KLHL12: variants seen among roughly 807,000 people sequenced by gnomAD.
KLHL12 encodes the protein kelch like family member 12, also known as kelch-like protein 12.
A neutral mutation model predicts 60.8 loss-of-function variants in KLHL12; 17 were observed. The ratio of observed to expected loss-of-function variants is 0.28; its 90% confidence interval spans 0.19 to 0.42. The LOEUF (loss-of-function observed/expected upper bound fraction) is 0.42. Among genes scored for constraint, KLHL12 ranks in the 10% least tolerant of loss-of-function variants. The pLI is 1.00. For synonymous variants in KLHL12, 220 were observed against 250.9 expected, an observed-to-expected ratio of 0.88 and a Z score of 1.16; for missense variants, 468 against 722.3, an observed-to-expected ratio of 0.65 and a Z score of 4.04.
Position 202,893,470 on chromosome 1 carries a change from G to A in KLHL12, c.1394-45C>T. 6.7e-7 allele frequency: 1 copy of A among 1,489,548 alleles called. No homozygotes were observed. Among genetic ancestry groups the A allele is most frequent in the East Asian group, 2.3e-5 (1 of 43,546 alleles). The allele number at this position is 1,489,548 out of a possible 1,614,324, so 92.3% of individuals were successfully genotyped here. A position where few individuals can be genotyped will look rare whatever the true frequency, so the allele number is the denominator to read the frequency against. ...TAGCAAATGTATGGTACTAAGCCTA[G>A]AATCTGAATTATAGAAATAAACTAC... On this transcript the variant is annotated intron_variant, in intron 10 of 11. Coordinates refer to ENST00000367261, the MANE Select transcript of KLHL12 (RefSeq NM_021633.4). This position sits in a 1 kb window ranked among gnomAD's most constrained non-coding sequence, Gnocchi z 4.1.
intron 6 of KLHL12, among the ~76,000 whole-genome samples, chr1:202,902,718 G>A (rs1660048916): frequency 6.6e-6 from 1 of 152,032 alleles, no homozygotes; most frequent in African/African-American, 2.4e-5. Context: ...AGCCAGGCAT[G>A]GTGGCTCACA....
intron 9 of KLHL12, 96 bp from the exon 10 acceptor site, chr1:202,894,378 C>A: frequency 1.1e-6 from 1 of 928,440 alleles, no homozygotes; most frequent in Non-Finnish European, 1.7e-6. Flanking sequence ...ATTTTAGTTT[C>A]AATTTTCCCA....
At chr1:202,922,545 GGC>G (rs1660727929) in intron 2 of KLHL12, among the ~76,000 whole-genome samples, 2 of 150,772 alleles carry the variant, frequency 1.3e-5, no homozygotes, top group African/African-American at 4.9e-5. Context: ...GGAGTGCAGT[GGC>G]GTGATCTGGG....
intron 6 of KLHL12, among the ~76,000 whole-genome samples, chr1:202,908,489 G>A (rs1446180012): frequency 6.6e-6 from 1 of 152,196 alleles, no homozygotes; most frequent in East Asian, 1.9e-4. Flanking sequence ...AGCACACAGA[G>A]GTTAAGGTTC....
intron 4 of KLHL12, among the ~76,000 whole-genome samples, chr1:202,917,245 C>T (rs933770655): frequency 3.3e-5 from 5 of 152,142 alleles, no homozygotes; most frequent in Admixed American, 2.6e-4. Context: ...GACAGGGTCT[C>T]CCTCTGTTGC....
rs1571541321 is a variant in KLHL12 at position 202,919,654 on chromosome 1, T to C, written c.349+101A>G. ...CATGGCCAGCAAACATGAACATCCA[T>C]AGTTTGTCTCCAAAATGTTCATGAT... On this transcript the variant is annotated intron_variant, in intron 3 of 11. Transcript: ENST00000367261. 54 of 1,105,916 alleles carry C rather than the reference T, an allele frequency of 4.9e-5. No individual in the cohort carries two copies. In the East Asian group the frequency reaches 1.3e-3, roughly 26 times the overall value. 68.5% of individuals were successfully genotyped at this position (1,105,916 alleles called of 1,614,324 possible). A position where few individuals can be genotyped will look rare whatever the true frequency, so the allele number is the denominator to read the frequency against.
At chr1:202,927,519 C>CAAAAAAA (rs869139683), upstream of KLHL12, among the ~76,000 whole-genome samples, 32,134 of 52,154 alleles carry the variant, frequency 0.62, 10,463 homozygotes, top group Non-Finnish European at 0.73. Flanking sequence ...CCCGTTTCTA[C>CAAAAAAA]AAAAAAAAAA....
At chr1:202,926,172 G>A (rs958347732) in intron 1 of KLHL12, among the ~76,000 whole-genome samples, 3 of 150,746 alleles carry the variant, frequency 2.0e-5, no homozygotes, top group African/African-American at 4.9e-5. Context: ...TGGAAACCAC[G>A]CAAGTTATCG....
At chr1:202,928,404 G>T (rs139091100), upstream of KLHL12, 7 of 840,412 alleles carry the variant, frequency 8.3e-6, no homozygotes, top group East Asian at 3.8e-4. Context: ...CCTCCCTACC[G>T]CTCACTAGGC....
At chr1:202,922,768 G>A (rs1660737862) in intron 2 of KLHL12, among the ~76,000 whole-genome samples, 2 of 151,914 alleles carry the variant, frequency 1.3e-5, no homozygotes, top group African/African-American at 2.4e-5. Flanking sequence ...TTACAGGCGT[G>A]AGCCACCACG....
intron 6 of KLHL12, among the ~76,000 whole-genome samples, chr1:202,897,588 G>A (rs963715988): frequency 6.6e-5 from 10 of 151,750 alleles, no homozygotes; most frequent in African/African-American, 2.4e-4. Context: ...TTAAGTGCAG[G>A]TGAGAGCCTA....
At position 202,911,336 on chromosome 1, in the gene KLHL12, G is replaced by C. The variant is rs1660348743; in HGVS notation, c.568-133C>G. ...CATTATTTCCCATCTTCCAGAAATAGCTAGGCTCTTGGGAAAACAATTTTT... is the reference window on the plus strand; with the variant it reads ...CATTATTTCCCATCTTCCAGAAATACCTAGGCTCTTGGGAAAACAATTTTT... On this transcript the variant is annotated intron_variant, in intron 4 of 11. Transcript: ENST00000367261. The C allele has an allele frequency of 4.9e-6, 5 of 1,028,102 alleles. No homozygotes were observed. The Admixed American group carries it at 9.3e-5, about 19-fold the overall frequency. The allele number at this position is 1,028,102 out of a possible 1,614,324, so 63.7% of individuals were successfully genotyped here. A position where few individuals can be genotyped will look rare whatever the true frequency, so the allele number is the denominator to read the frequency against.
intron 6 of KLHL12, 131 bp downstream of exon 6, chr1:202,908,879 T>A: frequency 1.6e-6 from 1 of 608,242 alleles, no homozygotes. Flanking sequence ...AAGTGACTTG[T>A]CTGAGATGAT....
intron 2 of KLHL12, among the ~76,000 whole-genome samples, 153 bp downstream of exon 2, chr1:202,924,813 CAT>C (rs1362097784): frequency 1.3e-5 from 2 of 152,128 alleles, no homozygotes; most frequent in African/African-American, 4.8e-5. Context: ...GAAACTAAGG[CAT>C]AGTCATCTAA....
Position 202,895,743 on chromosome 1 carries a change from A to G in KLHL12, c.940-26T>C. 3.1e-6 allele frequency: 5 copies of G among 1,597,796 alleles called. No individual in the cohort carries two copies. Among genetic ancestry groups the G allele is most frequent in the Admixed American group, 1.7e-5 (1 of 59,050 alleles). On this transcript the variant is annotated intron_variant, in intron 7 of 11. Transcript: ENST00000367261. This position sits in a 1 kb window ranked among gnomAD's most constrained non-coding sequence, Gnocchi z 4.2. ...CTATGGATTTGGAGAGAAGAGGTAC[A>G]GAGCATTTCAGTTAGGCAAGTTTTG...
In KLHL12 at chr1:202,909,755, T is replaced by C. The variant is rs1660300934; in HGVS notation, c.718-631A>G. On this transcript the variant is annotated intron_variant, in intron 5 of 11. Transcript: ENST00000367261. The surrounding 1 kb of genome is among the most constrained non-coding windows in gnomAD (Gnocchi z 4.1). ...GGATCAGCCCAACCAAAGGTCAAGG[T>C]TTCTCTCAAGGCAGTGACTCTACAC... Among the ~76,000 whole-genome samples, 1 of 152,116 alleles carries C rather than the reference T, an allele frequency of 6.6e-6. No individual in the cohort carries two copies. The highest frequency in any genetic ancestry group is 1.5e-5 in the Non-Finnish European group (1 of 68,024).
chr1:202,910,962 T>C (rs1660333356), intron 5 of KLHL12, 92 bp downstream of exon 5: 1 of 1,413,016 alleles, frequency 7.1e-7, no homozygotes, highest in Non-Finnish European at 9.8e-7. Context: ...CAGGAGACTC[T>C]GTGCCTACAT....
At chr1:202,896,324 T>G (rs1659831723) in intron 7 of KLHL12, among the ~76,000 whole-genome samples, 1 of 152,192 alleles carries the variant, frequency 6.6e-6, no homozygotes, top group Non-Finnish European at 1.5e-5. Flanking sequence ...TAGCTAGGAC[T>G]ACAGGCATGC....
upstream of KLHL12, among the ~76,000 whole-genome samples, chr1:202,928,119 A>C (rs555180355): frequency 6.6e-6 from 1 of 151,648 alleles, no homozygotes; most frequent in Admixed American, 6.6e-5. Context: ...CTAAAAATAC[A>C]AAAAAATTGG....
Sources: gnomAD v4.1 joint callset for allele counts (sites outside exome capture counted in the v4.1 genomes callset) on GRCh38, gnomAD v4.1.1 for gene constraint, Gnocchi (gnomAD v3.1) non-coding constraint, MANE v1.5 for transcripts, NCBI Gene and HGNC (gene_info 2026-07-23, HGNC 2026-07-21) for gene names.